NADK: variants seen among roughly 807,000 people sequenced by gnomAD.
NADK encodes NAD kinase, also known as poly(P)/ATP NAD kinase.
In NADK, 22 loss-of-function variants were observed where a neutral mutation model predicts 49.8. That is an observed-to-expected ratio of 0.44 (90% CI 0.32 to 0.63). NADK has a LOEUF of 0.63. Among genes scored for constraint, NADK ranks in the 30% least tolerant of loss-of-function variants. NADK has a pLI of 0.06. For missense variants in NADK, 438 were observed against 609.4 expected, an observed-to-expected ratio of 0.72 and a Z score of 2.96; for synonymous variants, 268 against 253.7, an observed-to-expected ratio of 1.06 and a Z score of -0.54.
At chr1:1,772,538 C>G (rs1476337440) in intron 1 of NADK, among the ~76,000 whole-genome samples, 1 of 151,806 alleles carries the variant, frequency 6.6e-6, no homozygotes, top group African/African-American at 2.4e-5. Context: ...TTTGGGAGGC[C>G]GAGGCGGGAG....
chr1:1,756,192 TGAGCCCCTCGTTACGCAGCACCTA>T (rs1645514477), intron 6 of NADK, 42 bp downstream of exon 6: 1 of 1,419,918 alleles, frequency 7.0e-7, no homozygotes, highest in African/African-American at 1.4e-5. Flanking sequence ...GCCATGCTTG[TGAGCCCCTCGTTACGCAGCACCTA>T]GACTAGAACC....
chr1:1,771,950 G>A (rs1298027025), intron 1 of NADK, among the ~76,000 whole-genome samples: 1 of 150,610 alleles, frequency 6.6e-6, no homozygotes, highest in African/African-American at 2.4e-5. Context: ...TGGGATTACA[G>A]GCATGCACCA....
chr1:1,762,253 C>T (rs897735248), intron 2 of NADK, among the ~76,000 whole-genome samples: 4 of 152,214 alleles, frequency 2.6e-5, no homozygotes, highest in Admixed American at 1.3e-4. Context: ...GCCCACGCGC[C>T]GCTCAGATCA....
rs1160405005 is a variant in NADK at position 1,754,653 on chromosome 1, A to T, written c.734T>A (p.Val245Glu). The T allele has an allele frequency of 1.9e-6, 3 of 1,613,448 alleles. No individual in the cohort carries two copies. Among genetic ancestry groups the T allele is most frequent in the Non-Finnish European group, 1.7e-6 (2 of 1,179,872 alleles). Residue 245 changes from valine (V) to glutamate (E), a missense_variant, in exon 8 of 12, where the codon GTG (valine) becomes GAG (glutamate). Coordinates refer to ENST00000341426, the MANE Select transcript of NADK (RefSeq NM_023018.5). The surrounding 1 kb of genome is among the most constrained non-coding windows in gnomAD (Gnocchi z 4.3). Reference protein sequence around the residue: ...VLRSRLKVRVVKELRGKKTAV... With the variant: ...VLRSRLKVRVEKELRGKKTAV... ...CGTCTTCTTCCCCCGGAGCTCCTTCACCACCCTGACCTTCAGCCGACTCCG... is the reference window on the plus strand; with the variant it reads ...CGTCTTCTTCCCCCGGAGCTCCTTCTCCACCCTGACCTTCAGCCGACTCCG...
chr1:1,762,375 G>C (rs1209398006), intron 2 of NADK, among the ~76,000 whole-genome samples: 1 of 152,202 alleles, frequency 6.6e-6, no homozygotes, highest in East Asian at 1.9e-4. Flanking sequence ...ATCTGCATTT[G>C]GGACTCAAAA....
chr1:1,774,864 T>C (rs1308849926), intron 1 of NADK, among the ~76,000 whole-genome samples: 1 of 152,044 alleles, frequency 6.6e-6, no homozygotes, highest in Non-Finnish European at 1.5e-5. Context: ...TCCCAGCATT[T>C]TGGGAGGCCG....
chr1:1,773,705 T>A lies in NADK; in HGVS notation c.-41+4584A>T, dbSNP rs1274222817. On this transcript the variant is annotated intron_variant, in intron 1 of 11. Transcript: ENST00000341426. ...GTGTGTGTGTGTGTGTGTGTGTGTG[T>A]GTGTGTGTGTGTGTGTGTGTGTGTG... is the stretch of plus-strand genomic sequence containing the variant. Among the ~76,000 whole-genome samples, 4 of 106,268 alleles carry A rather than the reference T, an allele frequency of 3.8e-5. 1 individual carries two copies. The South Asian group carries it at 8.8e-4, about 23-fold the overall frequency. 69.7% of individuals were successfully genotyped at this position (106,268 alleles called of 152,430 possible).
chr1:1,772,998 G>A (rs1314288751), intron 1 of NADK, among the ~76,000 whole-genome samples: 23 of 145,414 alleles, frequency 1.6e-4, no homozygotes, highest in Admixed American at 1.5e-3. Flanking sequence ...CTGAGATCAC[G>A]CCATTGCACT....
At chr1:1,757,892 A>T (rs779378000) in intron 3 of NADK, among the ~76,000 whole-genome samples, 18 of 152,086 alleles carry the variant, frequency 1.2e-4, no homozygotes, top group Non-Finnish European at 2.4e-4. Flanking sequence ...TAAAAATCAC[A>T]GGTTTAAAAG....
At chr1:1,770,277 T>C (rs1646009285) in intron 1 of NADK, among the ~76,000 whole-genome samples, 1 of 152,072 alleles carries the variant, frequency 6.6e-6, no homozygotes, top group South Asian at 2.1e-4. Flanking sequence ...TTGAGGACTA[T>C]ACTAGAGGCC....
At chr1:1,764,972 T>C (rs16825314) in intron 2 of NADK, among the ~76,000 whole-genome samples, 1,970 of 152,314 alleles carry the variant, frequency 0.013, 39 homozygotes, top group African/African-American at 0.045. Context: ...GTTAGATGGT[T>C]CTGTGCTGAT....
At chr1:1,756,399 G>C in intron 5 of NADK, 56 bp from the exon 6 acceptor site, 2 of 1,603,454 alleles carry the variant, frequency 1.2e-6, no homozygotes, top group Non-Finnish European at 1.7e-6. Flanking sequence ...CCCCTCTGTG[G>C]CGCAGTGCGC....
intron 1 of NADK, among the ~76,000 whole-genome samples, chr1:1,767,036 T>A (rs745681186): frequency 2.0e-5 from 3 of 152,144 alleles, no homozygotes; most frequent in Non-Finnish European, 4.4e-5. Context: ...TGCTTCAGCC[T>A]CCCTAGCAGC....
At position 1,752,892 on chromosome 1, in the gene NADK, T is replaced by A. The variant is rs898507245; in HGVS notation, c.*12A>T. The A allele has an allele frequency of 6.2e-7, 1 of 1,607,776 alleles. No individual in the cohort carries two copies. Among genetic ancestry groups the A allele is most frequent in the Admixed American group, 1.7e-5 (1 of 59,228 alleles). ...GGCAGCGGAAGGATTCGGGCCTGGATAGGGGCTTGACCTAGCCCTCCTCCT... is the reference window on the plus strand; with the variant it reads ...GGCAGCGGAAGGATTCGGGCCTGGAAAGGGGCTTGACCTAGCCCTCCTCCT... On this transcript the variant is annotated 3_prime_UTR_variant, in exon 12 of 12. Transcript: ENST00000341426.
At chr1:1,766,668 C>T (rs35086222) in intron 1 of NADK, among the ~76,000 whole-genome samples, 124,274 of 151,106 alleles carry the variant, frequency 0.82, 53,058 homozygotes, top group Non-Finnish European at 0.94. Flanking sequence ...AAACCTCACC[C>T]TTTTTTCCCC....
chr1:1,758,448 C>T (rs373157176), intron 3 of NADK: 42 of 1,612,170 alleles, frequency 2.6e-5, no homozygotes, highest in African/African-American at 5.3e-5. Context: ...ACATGTGGCT[C>T]GCGAGGTAGC....
At chr1:1,758,257 A>G in intron 3 of NADK, 3 of 1,320,522 alleles carry the variant, frequency 2.3e-6, no homozygotes, top group Non-Finnish European at 3.1e-6. Flanking sequence ...CAGGAGTGTG[A>G]CCGTCCCACT....
chr1:1,769,026 C>T (rs764525214), intron 1 of NADK, among the ~76,000 whole-genome samples: 2 of 152,230 alleles, frequency 1.3e-5, no homozygotes, highest in Non-Finnish European at 2.9e-5. Context: ...CCTGAAGGTA[C>T]AGCCCAGGCA....
At chr1:1,762,083 A>G (rs1471326561) in intron 2 of NADK, 48 bp from the exon 3 acceptor site, 5 of 1,504,124 alleles carry the variant, frequency 3.3e-6, no homozygotes, top group Admixed American at 1.7e-5. Flanking sequence ...GAAACCAGAC[A>G]TGCAGTGACA....
Sources: gnomAD v4.1 joint callset for allele counts (sites outside exome capture counted in the v4.1 genomes callset) on GRCh38, gnomAD v4.1.1 for gene constraint, Gnocchi (gnomAD v3.1) non-coding constraint, MANE v1.5 for transcripts, NCBI Gene and HGNC (gene_info 2026-07-23, HGNC 2026-07-21) for gene names.